Variants in LSAMP observed in about 807,000 individuals in gnomAD.
LSAMP encodes limbic system associated membrane protein.
Under a neutral mutation model 38.6 loss-of-function variants are expected in LSAMP, and 7 were observed. The observed-to-expected ratio is 0.18, with a 90% confidence interval of 0.10 to 0.34. The LOEUF (loss-of-function observed/expected upper bound fraction) is 0.34. Among genes scored for constraint, LSAMP ranks in the 10% least tolerant of loss-of-function variants. LSAMP has a pLI of 1.00. For synonymous variants in LSAMP, 154 were observed against 166.8 expected, an observed-to-expected ratio of 0.92 and a Z score of 0.59; for missense variants, 313 against 420.0, an observed-to-expected ratio of 0.75 and a Z score of 2.23.
intron 3 of LSAMP, among the ~76,000 whole-genome samples, chr3:116,009,207 A>G (rs1169599834): frequency 2.0e-5 from 3 of 152,126 alleles, no homozygotes; most frequent in African/African-American, 4.8e-5. Flanking sequence ...GTATCCCACA[A>G]TCTTCCAAAC....
chr3:115,828,062 T>C (rs937755248), intron 6 of LSAMP, among the ~76,000 whole-genome samples: 2 of 152,182 alleles, frequency 1.3e-5, no homozygotes, highest in Admixed American at 6.5e-5. Context: ...TTTCTCCAGA[T>C]AGGTGGGATA....
At chr3:115,861,906 A>G (rs371466577) in intron 3 of LSAMP, among the ~76,000 whole-genome samples, 3 of 152,300 alleles carry the variant, frequency 2.0e-5, no homozygotes, top group South Asian at 4.2e-4. Flanking sequence ...TGTAGGATGT[A>G]GCTCCTAAAG....
rs1043402216 is a variant in LSAMP at position 116,261,463 on chromosome 3, C to T, written c.156-174907G>A. Among the ~76,000 whole-genome samples, 6 of 152,254 alleles carry T rather than the reference C, an allele frequency of 3.9e-5. No individual in the cohort carries two copies. In the East Asian group the frequency reaches 5.8e-4, roughly 15 times the overall value. ...ACATTGAATTATCAGCATGTCACCT[C>T]GCTATTTAGAAAGCTGTCATCTGAT... On this transcript the variant is annotated intron_variant, in intron 1 of 6. Coordinates refer to ENST00000490035, the MANE Select transcript of LSAMP (RefSeq NM_002338.5).
intron 1 of LSAMP, among the ~76,000 whole-genome samples, chr3:116,276,063 C>T (rs2107676293): frequency 6.6e-6 from 1 of 152,316 alleles, no homozygotes; most frequent in East Asian, 1.9e-4. Flanking sequence ...TATGTTTTAA[C>T]ATTAGCACTA....
intron 3 of LSAMP, among the ~76,000 whole-genome samples, chr3:116,001,846 T>C (rs1940002030): frequency 6.6e-6 from 1 of 152,192 alleles, no homozygotes; most frequent in Non-Finnish European, 1.5e-5. Context: ...CTAAACTAAT[T>C]TGTTCATCTT....
chr3:116,405,875 G>A (rs1329355187), intron 1 of LSAMP, among the ~76,000 whole-genome samples: 2 of 151,986 alleles, frequency 1.3e-5, no homozygotes, highest in Admixed American at 6.6e-5. Context: ...ATAGTGGGAA[G>A]AAAGAGAAGT....
chr3:116,414,535 A>G (rs1195112337), intron 1 of LSAMP, among the ~76,000 whole-genome samples: 1 of 152,140 alleles, frequency 6.6e-6, no homozygotes, highest in Non-Finnish European at 1.5e-5. Context: ...CAGACAGAGC[A>G]ATCGTCCAAC....
At chr3:116,133,601 C>T (rs1442886812) in intron 1 of LSAMP, among the ~76,000 whole-genome samples, 2 of 152,152 alleles carry the variant, frequency 1.3e-5, no homozygotes, top group African/African-American at 4.8e-5. Flanking sequence ...GCATTAGCCA[C>T]AGACCCAGCC....
chr3:115,823,484 A>ATTGCATT (rs1160232627), intron 6 of LSAMP, among the ~76,000 whole-genome samples: 1 of 152,212 alleles, frequency 6.6e-6, no homozygotes, highest in Non-Finnish European at 1.5e-5. Flanking sequence ...ATTTGTTTAT[A>ATTGCATT]TTGCATTAAT....
chr3:116,035,263 A>G (rs1023775496), intron 2 of LSAMP, among the ~76,000 whole-genome samples: 9 of 152,192 alleles, frequency 5.9e-5, no homozygotes, highest in African/African-American at 1.9e-4. Flanking sequence ...TGCTACTGCT[A>G]TTTGTGAAAC....
intron 1 of LSAMP, among the ~76,000 whole-genome samples, chr3:116,237,451 C>T (rs1254203523): frequency 6.6e-6 from 1 of 152,116 alleles, no homozygotes; most frequent in Non-Finnish European, 1.5e-5. Flanking sequence ...AAAAAATGAG[C>T]ATGAAGCTTT....
intron 2 of LSAMP, among the ~76,000 whole-genome samples, chr3:116,025,809 A>G (rs1055799592): frequency 2.6e-5 from 4 of 152,180 alleles, no homozygotes; most frequent in African/African-American, 9.6e-5. Context: ...CATGCTAACT[A>G]ATTCAACCAA....
intron 1 of LSAMP, among the ~76,000 whole-genome samples, chr3:116,227,552 T>C (rs552143311): frequency 4.6e-5 from 7 of 152,190 alleles, no homozygotes; most frequent in Non-Finnish European, 8.8e-5. Flanking sequence ...GTTGAACATA[T>C]GTTTTTCAGT....
chr3:115,837,876 T>C (rs924920005), intron 6 of LSAMP: 1 of 152,256 alleles, frequency 6.6e-6, no homozygotes, highest in African/African-American at 2.4e-5. Flanking sequence ...AGTACGGTTG[T>C]TGTGATGCAT....
intron 1 of LSAMP, among the ~76,000 whole-genome samples, chr3:116,419,400 C>G (rs2107852339): frequency 6.6e-6 from 1 of 152,088 alleles, no homozygotes; most frequent in Admixed American, 6.5e-5. Context: ...ATAGATAATC[C>G]CCTGTGTTTC....
chr3:116,299,757 G>T (rs1261273895), intron 1 of LSAMP, among the ~76,000 whole-genome samples: 1 of 152,162 alleles, frequency 6.6e-6, no homozygotes, highest in Non-Finnish European at 1.5e-5. Context: ...GAAACCTACA[G>T]CTCAGAAAAG....
At chr3:116,326,888 G>T (rs1385056417) in intron 1 of LSAMP, among the ~76,000 whole-genome samples, 2 of 152,068 alleles carry the variant, frequency 1.3e-5, no homozygotes, top group African/African-American at 4.8e-5. Flanking sequence ...GGTCGTGGGT[G>T]TCATGAAAAT....
intron 1 of LSAMP, among the ~76,000 whole-genome samples, chr3:116,427,109 C>CTTTTTT (rs758726064): frequency 9.4e-5 from 9 of 95,378 alleles, no homozygotes; most frequent in South Asian, 3.8e-4. Context: ...CTCTTTCTTT[C>CTTTTTT]TTTTTTTTTT....
In LSAMP at chr3:115,810,172, C is replaced by T; in HGVS notation, c.*145G>A. On this transcript the variant is annotated 3_prime_UTR_variant, in exon 7 of 7. Transcript: ENST00000490035. ...TATTTTCTTCTTCACTTTCTTATTT[C>T]CCCCTTCATGTATAAACACACAAAG... 5 of 591,440 alleles carry T rather than the reference C, an allele frequency of 8.5e-6. No homozygotes were observed. The highest frequency in any genetic ancestry group is 4.8e-5 in the South Asian group (2 of 41,840). The allele number at this position is 591,440 out of a possible 1,614,324, so 36.6% of individuals were successfully genotyped here.
Sources: allele counts gnomAD v4.1 joint callset (sites outside exome capture counted in the v4.1 genomes callset), GRCh38; gene constraint gnomAD v4.1.1; transcripts MANE v1.5; gene names NCBI Gene and HGNC (gene_info 2026-07-23, HGNC 2026-07-21).